DSCAM: variants seen among roughly 807,000 people sequenced by gnomAD.
The protein encoded by DSCAM is cell adhesion molecule DSCAM.
In DSCAM, 47 loss-of-function variants were observed where a neutral mutation model predicts 217.7. That is an observed-to-expected ratio of 0.22 (90% CI 0.17 to 0.28). The LOEUF (loss-of-function observed/expected upper bound fraction) is 0.28, where lower values mean the gene tolerates loss of function less well. Among genes scored for constraint, DSCAM ranks in the 10% least tolerant of loss-of-function variants. The probability of loss-of-function intolerance (pLI) is 1.00; values close to 1 mark genes in which losing one functional copy is unlikely to be tolerated. For synonymous variants in DSCAM, 1,056 were observed against 1,015.3 expected, an observed-to-expected ratio of 1.04 and a Z score of -0.76; for missense variants, 2,080 against 2,618.3, an observed-to-expected ratio of 0.79 and a Z score of 4.49.
Position 40,291,566 on chromosome 21 carries a change from A to G in DSCAM, c.2182+4489T>C, listed in dbSNP as rs376162572. Among the ~76,000 whole-genome samples the G allele has an allele frequency of 5.9e-4, 90 of 152,330 alleles. No individual in the cohort carries two copies. The South Asian group carries it at 8.9e-3, about 15-fold the overall frequency. On this transcript the variant is annotated intron_variant, in intron 10 of 32. Transcript: ENST00000400454. Reference sequence around the variant, plus strand: ...ATGTCCTCCTTGGTGTTTCTGGATCATTCCAGGCATCAACCTCCCGGCCTC... The same window carrying G: ...ATGTCCTCCTTGGTGTTTCTGGATCGTTCCAGGCATCAACCTCCCGGCCTC...
intron 2 of DSCAM, among the ~76,000 whole-genome samples, chr21:40,703,004 C>A (rs1025732395): frequency 1.3e-5 from 2 of 152,102 alleles, no homozygotes; most frequent in Admixed American, 6.5e-5. Context: ...GTCTAAATAG[C>A]CAATTATTTT....
intron 10 of DSCAM, among the ~76,000 whole-genome samples, chr21:40,290,178 G>C (rs1208533296): frequency 2.6e-5 from 4 of 152,126 alleles, no homozygotes; most frequent in African/African-American, 9.7e-5. Flanking sequence ...CCCTGAAGAA[G>C]AAAATTAAAG....
chr21:40,393,054 A>C (rs774600610), intron 3 of DSCAM, among the ~76,000 whole-genome samples: 1 of 152,220 alleles, frequency 6.6e-6, no homozygotes. Context: ...CCCATATTTA[A>C]TGCACGCAGC....
At chr21:40,748,401 A>T (rs891062801) in intron 1 of DSCAM, among the ~76,000 whole-genome samples, 1 of 152,054 alleles carries the variant, frequency 6.6e-6, no homozygotes, top group Non-Finnish European at 1.5e-5. Flanking sequence ...ATATAAAATT[A>T]ACATATAAAA....
chr21:40,739,636 C>T (rs539885735), intron 1 of DSCAM, among the ~76,000 whole-genome samples: 2 of 152,308 alleles, frequency 1.3e-5, no homozygotes, highest in South Asian at 4.1e-4. Context: ...TCGTTAAAGA[C>T]TCTATCTCCA....
chr21:40,503,639 T>C (rs1013494253), intron 3 of DSCAM, among the ~76,000 whole-genome samples: 7 of 152,156 alleles, frequency 4.6e-5, no homozygotes, highest in African/African-American at 1.4e-4. Flanking sequence ...ACAAGAACTC[T>C]CAAACAAAAA....
At chr21:40,475,785 C>T (rs1301487878) in intron 3 of DSCAM, among the ~76,000 whole-genome samples, 2 of 151,996 alleles carry the variant, frequency 1.3e-5, no homozygotes, top group Admixed American at 6.5e-5. Flanking sequence ...GAGCCTAGAT[C>T]GTGCCGTCGC....
intron 3 of DSCAM, among the ~76,000 whole-genome samples, chr21:40,498,725 ATGGGTGTGTGTATATATATATATATATAT>A (rs1568855095): frequency 0.026 from 573 of 21,896 alleles, 38 homozygotes; most frequent in African/African-American, 0.1. Context: ...GTATATATAT[ATGGGTGTGTGTATATATATATATATATAT>A]ATGGGTGTAT....
At chr21:40,089,545 A>G (rs964622863) in intron 21 of DSCAM, among the ~76,000 whole-genome samples, 1 of 152,114 alleles carries the variant, frequency 6.6e-6, no homozygotes, top group Admixed American at 6.5e-5. Flanking sequence ...CTCCCTCCAT[A>G]AAAGCAGTGG....
intron 10 of DSCAM, among the ~76,000 whole-genome samples, chr21:40,293,280 G>C (rs577019799): frequency 2.8e-4 from 42 of 152,156 alleles, no homozygotes; most frequent in African/African-American, 9.4e-4. Context: ...AGGGAGGTGA[G>C]TCGTGTGGGA....
chr21:40,598,269 T>C (rs1401770067), intron 3 of DSCAM, among the ~76,000 whole-genome samples: 1 of 152,200 alleles, frequency 6.6e-6, no homozygotes, highest in Admixed American at 6.5e-5. Flanking sequence ...CTGATCTTTT[T>C]GTAGCTTGAT....
At chr21:40,571,297 A>C (rs1374722072) in intron 3 of DSCAM, among the ~76,000 whole-genome samples, 1 of 152,146 alleles carries the variant, frequency 6.6e-6, no homozygotes, top group Non-Finnish European at 1.5e-5. Flanking sequence ...TATAGAAGAG[A>C]GCAATTCAAA....
intron 8 of DSCAM, among the ~76,000 whole-genome samples, chr21:40,331,298 G>A (rs2074375760): frequency 6.6e-6 from 1 of 152,174 alleles, no homozygotes; most frequent in Admixed American, 6.5e-5. Context: ...AAACTGCCAA[G>A]GCTGTTTCTG....
At chr21:40,716,686 G>A (rs2090846070) in intron 1 of DSCAM, among the ~76,000 whole-genome samples, 1 of 152,192 alleles carries the variant, frequency 6.6e-6, no homozygotes. Flanking sequence ...AGGGCAGGGT[G>A]AAAAGGGGAG....
rs566256586 is a variant in DSCAM at position 40,228,643 on chromosome 21, CTTT to C, written c.2357-39408_2357-39406del. 2.2e-5 allele frequency among the ~76,000 whole-genome samples: 3 copies of C among 134,790 alleles called. No individual in the cohort carries two copies. The Admixed American group carries it at 2.2e-4, about 10-fold the overall frequency. 88.4% of individuals were successfully genotyped at this position (134,790 alleles called of 152,430 possible). A position where few individuals can be genotyped will look rare whatever the true frequency, so the allele number is the denominator to read the frequency against. ...CTTTCTTTCCCCCTCCACCTCTTTT[CTTT>C]TTTTTTTTTTTCTTGGTACTTCTTT... On this transcript the variant is annotated intron_variant, in intron 11 of 32. Transcript: ENST00000400454.
chr21:40,677,001 G>C (rs372271246), intron 3 of DSCAM, among the ~76,000 whole-genome samples: 3 of 152,084 alleles, frequency 2.0e-5, no homozygotes, highest in Non-Finnish European at 4.4e-5. Flanking sequence ...TTCAATGATA[G>C]GGTTTCAATT....
At chr21:40,651,153 C>T (rs1434913157) in intron 3 of DSCAM, among the ~76,000 whole-genome samples, 2 of 152,120 alleles carry the variant, frequency 1.3e-5, no homozygotes, top group Non-Finnish European at 2.9e-5. Context: ...AGGTCATTGC[C>T]TCATGAGCTC....
chr21:40,203,679 A>T (rs1271759102), intron 11 of DSCAM, among the ~76,000 whole-genome samples: 2 of 152,256 alleles, frequency 1.3e-5, no homozygotes, highest in Non-Finnish European at 2.9e-5. Flanking sequence ...ACACAATTAA[A>T]TACATGCAAA....
intron 3 of DSCAM, among the ~76,000 whole-genome samples, chr21:40,432,446 G>A (rs544717399): frequency 2.6e-5 from 4 of 152,108 alleles, no homozygotes; most frequent in African/African-American, 9.6e-5. Context: ...GTCTTATGAG[G>A]ACCCTTGGGG....
Sources: gnomAD v4.1 joint callset for allele counts (sites outside exome capture counted in the v4.1 genomes callset) on GRCh38, gnomAD v4.1.1 for gene constraint, MANE v1.5 for transcripts, NCBI Gene and HGNC (gene_info 2026-07-23, HGNC 2026-07-21) for gene names.